DNAJC7: variants seen among roughly 807,000 people sequenced by gnomAD.
The protein encoded by DNAJC7 is DnaJ heat shock protein family (Hsp40) member C7, also known as dnaJ homolog subfamily C member 7.
Under a neutral mutation model 67.4 loss-of-function variants are expected in DNAJC7, and 18 were observed. The observed-to-expected ratio is 0.27, with a 90% CI of 0.18 to 0.40. The LOEUF (loss-of-function observed/expected upper bound fraction) is 0.40. DNAJC7 is among the 10% of genes least tolerant of loss of function. DNAJC7 has a pLI of 1.00. For synonymous variants in DNAJC7, 220 were observed against 207.8 expected, an observed-to-expected ratio of 1.06 and a Z score of -0.50; for missense variants, 419 against 613.8, an observed-to-expected ratio of 0.68 and a Z score of 3.35.
chr17:41,993,276 G>A (rs182135354), intron 5 of DNAJC7, among the ~76,000 whole-genome samples: 37 of 152,030 alleles, frequency 2.4e-4, no homozygotes, highest in African/African-American at 8.2e-4. Context: ...TGGCTAACAC[G>A]GTGAAACCCT....
At chr17:41,987,791 C>T in intron 9 of DNAJC7, 28 bp downstream of exon 9, 1 of 1,577,772 alleles carries the variant, frequency 6.3e-7, no homozygotes. Flanking sequence ...GCAACTCCCT[C>T]TTCCCCCTAC....
chr17:41,980,382 C>A (rs1396471096), intron 12 of DNAJC7, among the ~76,000 whole-genome samples: 2 of 151,200 alleles, frequency 1.3e-5, no homozygotes, highest in African/African-American at 4.9e-5. Context: ...TGAAGACTGA[C>A]TGAATTAATT....
chr17:42,006,040 T>G (rs1204794029), intron 1 of DNAJC7, among the ~76,000 whole-genome samples: 1 of 152,066 alleles, frequency 6.6e-6, no homozygotes, highest in Non-Finnish European at 1.5e-5. Context: ...GCCTCCCAGG[T>G]TCATGCCATT....
chr17:41,995,130 C>T (rs2051621691), intron 4 of DNAJC7, 186 bp from the exon 5 acceptor site: 2 of 664,154 alleles, frequency 3.0e-6, no homozygotes, highest in African/African-American at 3.6e-5. Context: ...AGTTCTAGGG[C>T]TCTCTGGCAA....
intron 9 of DNAJC7, among the ~76,000 whole-genome samples, chr17:41,986,597 T>C (rs1294775646): frequency 1.3e-5 from 2 of 151,498 alleles, no homozygotes; most frequent in Non-Finnish European, 2.9e-5. Context: ...ATATAGCATT[T>C]TGCGTCTGTT....
At chr17:42,017,252 C>G in intron 1 of DNAJC7, 88 bp downstream of exon 1, 1 of 1,602,956 alleles carries the variant, frequency 6.2e-7, no homozygotes, top group Non-Finnish European at 8.5e-7. Context: ...ATCGCCTCAA[C>G]AGCTGGGGGC....
chr17:41,989,124 T>C (rs890775230), intron 7 of DNAJC7, among the ~76,000 whole-genome samples: 4 of 152,162 alleles, frequency 2.6e-5, no homozygotes, highest in Non-Finnish European at 5.9e-5. Flanking sequence ...GGGTCTGCCT[T>C]CACTTCTCAG....
chr17:41,997,008 A>G, intron 3 of DNAJC7, 107 bp downstream of exon 3: 1 of 1,546,548 alleles, frequency 6.5e-7, no homozygotes, highest in Non-Finnish European at 8.8e-7. Flanking sequence ...ACAACAAAGA[A>G]TAATCTGGTC....
chr17:42,009,420 C>A (rs1158508567), intron 1 of DNAJC7, among the ~76,000 whole-genome samples: 2 of 152,190 alleles, frequency 1.3e-5, no homozygotes, highest in Non-Finnish European at 2.9e-5. Flanking sequence ...GCAAGCTGTG[C>A]CTGGCTATGC....
chr17:42,016,054 A>G (rs2052272932), intron 1 of DNAJC7: 1 of 152,208 alleles, frequency 6.6e-6, no homozygotes, highest in Non-Finnish European at 1.5e-5. Context: ...AGGAAGAAGT[A>G]GGAACAACAT....
At chr17:41,977,564 C>A in intron 12 of DNAJC7, 1 of 392,716 alleles carries the variant, frequency 2.5e-6, no homozygotes, top group Non-Finnish European at 4.6e-6. Context: ...CCAAAGGAAG[C>A]TTTCTCTGCT....
intron 1 of DNAJC7, chr17:42,014,594 GA>G (rs2052213896): frequency 6.7e-6 from 1 of 148,752 alleles, no homozygotes; most frequent in Admixed American, 6.7e-5. Flanking sequence ...TTTTTTAATT[GA>G]TTTTTTTTTT....
chr17:42,017,375 G>A lies in DNAJC7; in HGVS notation c.42C>T (p.Thr14=). ...AAECDVVMAA[T]EPELLDDQEA... ...CTTGGTCGTCGAGCAGCTCCGGCTCGGTCGCCGCCATTACCACATCGCACT... is the reference window on the plus strand; with the variant it reads ...CTTGGTCGTCGAGCAGCTCCGGCTCAGTCGCCGCCATTACCACATCGCACT... The change falls in exon 1 of 14, where the codon ACC becomes ACT. Residue 14 remains threonine, a synonymous_variant. Coordinates refer to ENST00000457167, the MANE Select transcript of DNAJC7 (RefSeq NM_003315.4). The A allele has an allele frequency of 6.2e-7, 1 of 1,610,612 alleles. No individual in the cohort carries two copies. Among genetic ancestry groups the A allele is most frequent in the Non-Finnish European group, 8.5e-7 (1 of 1,179,874 alleles).
chr17:42,017,426 G>A lies in DNAJC7; in HGVS notation c.-10C>T. On this transcript the variant is annotated 5_prime_UTR_variant, in exon 1 of 14. Coordinates refer to ENST00000457167, the MANE Select transcript of DNAJC7 (RefSeq NM_003315.4). ...CCGCGGCAGCCGCCATCTTACCGCC[G>A]GGACCAGAGAGCTGGGTGGGAGGCC... 2.5e-6 allele frequency: 4 copies of A among 1,605,728 alleles called. No individual in the cohort carries two copies. Among genetic ancestry groups the A allele is most frequent in the African/African-American group, 1.3e-5 (1 of 75,062 alleles).
intron 9 of DNAJC7, chr17:41,986,028 A>G (rs2051364770): frequency 1.8e-5 from 2 of 112,150 alleles, no homozygotes; most frequent in African/African-American, 7.0e-5. Flanking sequence ...AGAATTTTCT[A>G]TGGTGTTGGG....
At chr17:42,002,571 AAC>A (rs2051837060) in intron 1 of DNAJC7, among the ~76,000 whole-genome samples, 1 of 152,180 alleles carries the variant, frequency 6.6e-6, no homozygotes. Flanking sequence ...TCCTCTATAA[AAC>A]ACAGTCCGGT....
intron 1 of DNAJC7, chr17:42,013,301 T>C (rs1404491945): frequency 5.3e-5 from 8 of 152,172 alleles, no homozygotes; most frequent in South Asian, 2.1e-4. Context: ...TGCAAAAAAA[T>C]TGAAATCCAT....
Position 41,977,251 on chromosome 17 carries a change from G to C in DNAJC7, c.1447+10C>G, listed in dbSNP as rs1555645041. 1.9e-6 allele frequency: 3 copies of C among 1,576,692 alleles called. No homozygotes were observed. Among genetic ancestry groups the C allele is most frequent in the Non-Finnish European group, 2.6e-6 (3 of 1,161,508 alleles). ...ATCTGGGAACTCCCAAGAACAGCAG[G>C]CCCACCTACCTTCAAAGCTGAAGCC... On this transcript the variant is annotated intron_variant, in intron 13 of 13. Coordinates refer to ENST00000457167, the MANE Select transcript of DNAJC7 (RefSeq NM_003315.4).
chr17:42,007,838 CTTTTTTTTTTT>C (rs140104313), intron 1 of DNAJC7, among the ~76,000 whole-genome samples: 2 of 44,530 alleles, frequency 4.5e-5, no homozygotes, highest in African/African-American at 7.8e-5. Flanking sequence ...AAAAAACTGC[CTTTTTTTTTTT>C]TTTTTTTTTT....
Sources: allele counts gnomAD v4.1 joint callset (sites outside exome capture counted in the v4.1 genomes callset), GRCh38; gene constraint gnomAD v4.1.1; transcripts MANE v1.5; gene names NCBI Gene and HGNC (gene_info 2026-07-23, HGNC 2026-07-21).